Variants in RPS9 observed in about 807,000 individuals in gnomAD.
RPS9 encodes the protein small ribosomal subunit protein uS4.
Under a neutral mutation model 16.9 loss-of-function variants are expected in RPS9, and 1 was observed. The ratio of observed to expected loss-of-function variants is 0.06; its 90% confidence interval spans 0.02 to 0.28. The LOEUF is 0.28. Among genes scored for constraint, RPS9 ranks in the 10% least tolerant of loss-of-function variants. RPS9 has a pLI of 1.00. For missense variants in RPS9, 137 were observed against 273.2 expected, an observed-to-expected ratio of 0.50 and a Z score of 3.51; for synonymous variants, 106 against 110.9, an observed-to-expected ratio of 0.96 and a Z score of 0.28.
chr19:54,201,674 G>C, intron 3 of RPS9, 65 bp downstream of exon 3: 3 of 1,599,156 alleles, frequency 1.9e-6, no homozygotes, highest in Non-Finnish European at 2.6e-6. Context: ...TCTCCCTTCT[G>C]TTGCCTCTGT....
In RPS9 at chr19:54,206,375, A is replaced by T; in HGVS notation, c.320A>T (p.Glu107Val). 1 of 1,614,200 alleles carries T rather than the reference A, an allele frequency of 6.2e-7. No homozygotes were observed. The highest frequency in any genetic ancestry group is 2.2e-5 in the East Asian group (1 of 44,878). Reference sequence around the variant, plus strand: ...GGCCTGAAGATAGAGGATTTCTTAGAGAGACGCCTGCAGACCCAGGTCTTC... The same window carrying T: ...GGCCTGAAGATAGAGGATTTCTTAGTGAGACGCCTGCAGACCCAGGTCTTC... ...ILGLKIEDFL[E>V]RRLQTQVFKL... Residue 107 changes from glutamate to valine, a missense_variant, in exon 4 of 5, where the codon GAG (glutamate) becomes GTG (valine). Physicochemically the swap from Glu to Val is moderately radical, Grantham distance 121. This residue lies in a region of RPS9 where 64 missense variants were observed against 164.0 expected (regional missense o/e 0.39). Coordinates refer to ENST00000302907, the MANE Select transcript of RPS9 (RefSeq NM_001013.4).
Position 54,206,447 on chromosome 19 carries a change from G to A in RPS9, c.392G>A (p.Arg131His), listed in dbSNP as rs1452077232. The stretch of plus-strand genomic sequence containing the variant: ...ATCCACCACGCTCGCGTGCTGATCC[G>A]CCAGCGCCATATCAGGTACCACCTC... The part of the protein sequence containing the change: ...KSIHHARVLI[R>H]QRHIRVRKQV... The change falls in exon 4 of 5, where the codon CGC becomes CAC. Residue 131 changes from arginine to histidine, a missense_variant. Transcript: ENST00000302907. The A allele has an allele frequency of 1.2e-6, 2 of 1,614,076 alleles. No individual in the cohort carries two copies. Among genetic ancestry groups the A allele is most frequent in the Non-Finnish European group, 1.7e-6 (2 of 1,180,030 alleles).
chr19:54,206,856 T>A, intron 4 of RPS9: 1 of 732,236 alleles, frequency 1.4e-6, no homozygotes, highest in Non-Finnish European at 2.2e-6. Flanking sequence ...TTCTGGGTAC[T>A]CAGTGTGCCC....
chr19:54,207,366 T>A (rs1476038586), intron 4 of RPS9, 32 bp from the exon 5 acceptor site: 8 of 1,577,642 alleles, frequency 5.1e-6, no homozygotes, highest in Non-Finnish European at 6.9e-6. Context: ...CCGTTTCTCC[T>A]CCAGTCCACC....
At position 54,202,628 on chromosome 19, in the gene RPS9, G is replaced by C. The variant is rs899683403; in HGVS notation, c.220+1019G>C. 3.0e-6 allele frequency: 3 copies of C among 985,308 alleles called. No individual in the cohort carries two copies. The Admixed American group carries it at 1.8e-4, about 61-fold the overall frequency. The allele number at this position is 985,308 out of a possible 1,614,324, so 61.0% of individuals were successfully genotyped here. On this transcript the variant is annotated intron_variant, in intron 3 of 4. Transcript: ENST00000302907. The stretch of plus-strand genomic sequence containing the variant: ...GTTTTAAAATCTACTCTGAGATGCG[G>C]TGTTATTGGAGTGCTTTCTACAGCA...
chr19:54,207,175 A>G, intron 4 of RPS9: 2 of 543,304 alleles, frequency 3.7e-6, no homozygotes, highest in Middle Eastern at 4.9e-4. Context: ...GATTTCTCCT[A>G]TAAAATGGGG....
In RPS9 at chr19:54,207,517, A is replaced by G; in HGVS notation, c.527A>G (p.Lys176Arg). Reference sequence around the variant, plus strand: ...GGCCGCCCGGGCCGCGTGAAGAGGAAGAATGCCAAGAAGGGCCAGGGTGGG... The same window carrying G: ...GGCCGCCCGGGCCGCGTGAAGAGGAGGAATGCCAAGAAGGGCCAGGGTGGG... ...GGGRPGRVKR[K>R]NAKKGQGGAG... The change falls in exon 5 of 5, where the codon AAG becomes AGG. Residue 176 changes from lysine (K) to arginine (R), a missense_variant. This residue lies in a region of RPS9 where 54 missense variants were observed against 90.9 expected (regional missense o/e 0.59). Transcript: ENST00000302907. The G allele has an allele frequency of 1.9e-6, 3 of 1,612,882 alleles. No homozygotes were observed. Among genetic ancestry groups the G allele is most frequent in the Admixed American group, 1.7e-5 (1 of 60,008 alleles).
intron 4 of RPS9, 150 bp downstream of exon 4, chr19:54,206,612 C>G: frequency 6.4e-7 from 1 of 1,551,602 alleles, no homozygotes; most frequent in Non-Finnish European, 8.7e-7. Context: ...TTGCACACAG[C>G]TCACCAGGGA....
At chr19:54,205,120 A>G (rs2077195290) in intron 3 of RPS9, among the ~76,000 whole-genome samples, 3 of 152,148 alleles carry the variant, frequency 2.0e-5, no homozygotes, top group Admixed American at 2.0e-4. Context: ...GCCACTTTTT[A>G]TAAAAGTGCA....
At chr19:54,206,659 G>T in intron 4 of RPS9, 197 bp downstream of exon 4, 1 of 1,548,034 alleles carries the variant, frequency 6.5e-7, no homozygotes. Context: ...CCCAGCGCAA[G>T]GGTCACTGCG....
chr19:54,202,397 C>T (rs1175706965), intron 3 of RPS9: 1 of 981,440 alleles, frequency 1.0e-6, no homozygotes, highest in Non-Finnish European at 1.2e-6. Context: ...GTTGTCCAGG[C>T]TGGTGCTTGT....
At chr19:54,203,218 T>C in intron 3 of RPS9, 1 of 955,128 alleles carries the variant, frequency 1.0e-6, no homozygotes, top group East Asian at 1.2e-4. Flanking sequence ...TGTCTGAGGG[T>C]TATTTGTGGT....
intron 3 of RPS9, chr19:54,202,570 A>C (rs2077096134): frequency 4.1e-6 from 4 of 983,812 alleles, no homozygotes; most frequent in Non-Finnish European, 3.6e-6. Context: ...TGAAATACAC[A>C]TTAAATTGAA....
rs753325379 is a variant in RPS9, at chr19:54,207,563, G to C, written c.573G>C (p.Glu191Asp). Residue 191 changes from glutamate (E) to aspartate (D), a missense_variant, in exon 5 of 5, where the codon GAG becomes GAC. Transcript: ENST00000302907. ...GTGGGGCTGGGGCTGGAGACGACGA[G>C]GAGGAGGATTAAGTCCACCTGTCCC... ...GQGGAGAGDDEEED is the reference protein window; with the variant it reads ...GQGGAGAGDDDEED The C allele has an allele frequency of 5.0e-6, 8 of 1,609,832 alleles. No individual in the cohort carries two copies. The highest frequency in any genetic ancestry group is 2.2e-5 in the East Asian group (1 of 44,840).
intron 3 of RPS9, among the ~76,000 whole-genome samples, chr19:54,206,062 C>A (rs3889085): frequency 0.31 from 46,574 of 152,190 alleles, 8,403 homozygotes; most frequent in East Asian, 0.43. Flanking sequence ...TCAAGTGATC[C>A]GTCTCGGACT....
intron 3 of RPS9, chr19:54,201,888 C>T (rs2077067695): frequency 4.1e-6 from 2 of 493,388 alleles, no homozygotes; most frequent in South Asian, 3.7e-5. Context: ...CCGTCTATAT[C>T]TTTATATTCT....
At chr19:54,202,288 C>A (rs1168454613) in intron 3 of RPS9, 1 of 307,302 alleles carries the variant, frequency 3.3e-6, no homozygotes, top group Non-Finnish European at 4.8e-6. Context: ...AGAGTTCAAG[C>A]GATTCTCCTG....
intron 3 of RPS9, chr19:54,202,554 T>C (rs17239559): frequency 0.38 from 373,649 of 980,166 alleles, 74,473 homozygotes; most frequent in East Asian, 0.43. Flanking sequence ...ACTTTACTAA[T>C]TGTGGTGAAA....
Position 54,201,180 on chromosome 19 carries a change from C to T in RPS9, c.-5C>T. On this transcript the variant is annotated 5_prime_UTR_variant, in exon 2 of 5. Transcript: ENST00000302907. ...CGCAGGCGCAGACGGGGAAGCGGAG[C>T]CAACATGCCAGTGGCCCGGAGCTGG... The T allele has an allele frequency of 1.2e-6, 2 of 1,600,498 alleles. No homozygotes were observed.
Sources: allele counts gnomAD v4.1 joint callset (sites outside exome capture counted in the v4.1 genomes callset), GRCh38; gene constraint gnomAD v4.1.1; regional missense constraint gnomAD v4.1.1; transcripts MANE v1.5; gene names NCBI Gene and HGNC (gene_info 2026-07-23, HGNC 2026-07-21).